RBKS: variants seen among roughly 807,000 people sequenced by gnomAD.
RBKS encodes the protein ribokinase.
RBKS carries 33 observed loss-of-function variants against 33.9 expected under a neutral mutation model. That is an observed-to-expected ratio of 0.97 (90% CI 0.74 to 1.30). The LOEUF (loss-of-function observed/expected upper bound fraction) is 1.30, where lower values mean the gene tolerates loss of function less well. Ranked by LOEUF, RBKS falls within the 50% of genes most tolerant of loss-of-function variation. The pLI, the probability that RBKS is intolerant of heterozygous loss-of-function variation, is 0.00. For synonymous variants in RBKS, 125 were observed against 143.0 expected, an observed-to-expected ratio of 0.87 and a Z score of 0.90; for missense variants, 361 against 392.6, an observed-to-expected ratio of 0.92 and a Z score of 0.68.
At chr2:27,803,591 G>A (rs923047328) in intron 7 of RBKS, among the ~76,000 whole-genome samples, 1 of 151,892 alleles carries the variant, frequency 6.6e-6, no homozygotes, top group Non-Finnish European at 1.5e-5. Context: ...TTGGGAGGCA[G>A]AGGTGGGAGG....
chr2:27,799,759 TTTC>T, intron 7 of RBKS, among the ~76,000 whole-genome samples: 1 of 152,228 alleles, frequency 6.6e-6, no homozygotes, highest in Non-Finnish European at 1.5e-5. Flanking sequence ...TAGGTCAGAA[TTTC>T]TTCAAGGGAG....
chr2:27,809,931 T>G, intron 7 of RBKS: 1 of 1,303,428 alleles, frequency 7.7e-7, no homozygotes, highest in South Asian at 1.2e-5. Flanking sequence ...CTCGAGCTGT[T>G]AGGCCACAAA....
rs1322207591 is a variant in RBKS at position 27,827,673 on chromosome 2, T to A, written c.689A>T (p.Gln230Leu). 6.2e-7 allele frequency: 1 copy of A among 1,614,028 alleles called. No homozygotes were observed. The highest frequency in any genetic ancestry group is 8.5e-7 in the Non-Finnish European group (1 of 1,179,964). The change falls in exon 7 of 8, where the codon CAG becomes CTG. Residue 230 changes from glutamine (Q) to leucine (L), a missense_variant. By Grantham distance (113) the Gln-to-Leu change is moderately radical. Transcript: ENST00000302188. Reference protein sequence around the residue: ...AALVLLKRGCQVVIITLGAEG... With the variant: ...AALVLLKRGCLVVIITLGAEG... ...AGCCCCTAAGGTAATGATTACCACC[T>A]GGCAGCCCCTTTTCAAGAGCACTAA...
At chr2:27,827,301 C>T (rs987878345) in intron 7 of RBKS, among the ~76,000 whole-genome samples, 3 of 152,156 alleles carry the variant, frequency 2.0e-5, no homozygotes, top group Non-Finnish European at 4.4e-5. Context: ...TGAATGAATA[C>T]AGGTAACACA....
At chr2:27,882,628 G>A (rs544441031) in intron 1 of RBKS, among the ~76,000 whole-genome samples, 2 of 152,258 alleles carry the variant, frequency 1.3e-5, no homozygotes, top group African/African-American at 4.8e-5. Context: ...ACATGCATGT[G>A]TATGTTCATT....
chr2:27,849,865 C>A (rs945028556), intron 2 of RBKS, among the ~76,000 whole-genome samples: 6 of 152,180 alleles, frequency 3.9e-5, no homozygotes, highest in African/African-American at 1.4e-4. Flanking sequence ...AGGTCTGTGG[C>A]TCAAAACCAG....
intron 6 of RBKS, among the ~76,000 whole-genome samples, chr2:27,830,735 A>G (rs1231539511): frequency 1.3e-5 from 2 of 152,196 alleles, no homozygotes; most frequent in Non-Finnish European, 2.9e-5. Flanking sequence ...GTATTAACCT[A>G]TATCATATCA....
intron 1 of RBKS, among the ~76,000 whole-genome samples, chr2:27,862,008 C>G (rs1359673349): frequency 7.3e-6 from 1 of 137,232 alleles, no homozygotes; most frequent in Non-Finnish European, 1.5e-5. Flanking sequence ...TGGAGTGGAA[C>G]ACAAAAATGG....
At chr2:27,852,915 C>T (rs894961875) in intron 2 of RBKS, among the ~76,000 whole-genome samples, 1 of 152,206 alleles carries the variant, frequency 6.6e-6, no homozygotes, top group East Asian at 1.9e-4. Flanking sequence ...TGTTGTCATA[C>T]AAAACCCAGC....
intron 7 of RBKS, among the ~76,000 whole-genome samples, chr2:27,822,365 A>G (rs1040024577): frequency 6.6e-6 from 1 of 152,188 alleles, no homozygotes; most frequent in African/African-American, 2.4e-5. Context: ...GAAAGGTCAC[A>G]CCAAGTTGGG....
chr2:27,785,553 A>C (rs981327034), intron 7 of RBKS, among the ~76,000 whole-genome samples: 2 of 152,020 alleles, frequency 1.3e-5, no homozygotes, highest in Admixed American at 6.6e-5. Flanking sequence ...TCACGAGGTC[A>C]GGAGTTCAAG....
chr2:27,785,024 A>G (rs1358833555), intron 7 of RBKS, among the ~76,000 whole-genome samples: 2 of 152,218 alleles, frequency 1.3e-5, no homozygotes, highest in East Asian at 3.8e-4. Context: ...AGTTACGGCA[A>G]ACTCCCAGAT....
intron 1 of RBKS, among the ~76,000 whole-genome samples, chr2:27,879,971 T>C (rs553025285): frequency 1.6e-3 from 236 of 152,200 alleles, no homozygotes; most frequent in Non-Finnish European, 2.6e-3. Flanking sequence ...GAGGAGGGAC[T>C]CCTCCCTAAC....
At chr2:27,826,628 G>C (rs747397028) in intron 7 of RBKS, among the ~76,000 whole-genome samples, 4 of 151,958 alleles carry the variant, frequency 2.6e-5, no homozygotes, top group African/African-American at 4.8e-5. Context: ...GGATGTTCTC[G>C]ATCTCTTGAC....
At chr2:27,796,105 C>T (rs1375016292) in intron 7 of RBKS, among the ~76,000 whole-genome samples, 1 of 152,130 alleles carries the variant, frequency 6.6e-6, no homozygotes, top group Non-Finnish European at 1.5e-5. Context: ...TTGCCATGGC[C>T]CAGAGTTACT....
intron 1 of RBKS, among the ~76,000 whole-genome samples, chr2:27,880,883 C>G (rs1240266242): frequency 6.6e-6 from 1 of 152,060 alleles, no homozygotes; most frequent in Non-Finnish European, 1.5e-5. Context: ...ATTAAGCTAC[C>G]ATGACATTCA....
chr2:27,844,905 G>A (rs369111866), intron 4 of RBKS, among the ~76,000 whole-genome samples: 2 of 152,054 alleles, frequency 1.3e-5, no homozygotes, highest in East Asian at 3.9e-4. Flanking sequence ...TCTGTGCTCC[G>A]GGCTGCTCGT....
chr2:27,838,613 A>AC (rs1395825400), intron 5 of RBKS, among the ~76,000 whole-genome samples: 1 of 152,262 alleles, frequency 6.6e-6, no homozygotes, highest in African/African-American at 2.4e-5. Context: ...CATTCTTCTC[A>AC]GCTTGTGCTA....
At chr2:27,783,030 A>G (rs895282141) in intron 7 of RBKS, among the ~76,000 whole-genome samples, 19 of 152,182 alleles carry the variant, frequency 1.2e-4, no homozygotes, top group African/African-American at 4.3e-4. Flanking sequence ...ATTCAATGCT[A>G]TATTATTTTG....
Sources: allele counts gnomAD v4.1 joint callset (sites outside exome capture counted in the v4.1 genomes callset), GRCh38; gene constraint gnomAD v4.1.1; transcripts MANE v1.5; gene names NCBI Gene and HGNC (gene_info 2026-07-23, HGNC 2026-07-21).